Variants in SCGB2B2 observed in about 807,000 individuals in gnomAD.
The protein encoded by SCGB2B2 is secretoglobin-like protein.
SCGB2B2 carries 11 observed loss-of-function variants against 7.6 expected under a neutral mutation model. The observed-to-expected ratio is 1.45, with a 90% confidence interval of 0.91 to 2.40. SCGB2B2 has a LOEUF of 2.40. Among genes scored for constraint, SCGB2B2 ranks in the 30% most tolerant of loss-of-function variants. The probability of loss-of-function intolerance (pLI) is 0.00; values close to 1 mark genes in which losing one functional copy is unlikely to be tolerated. For missense variants in SCGB2B2, 104 were observed against 115.4 expected, an observed-to-expected ratio of 0.90 and a Z score of 0.45; for synonymous variants, 50 against 48.6, an observed-to-expected ratio of 1.03 and a Z score of -0.12.
In SCGB2B2 at chr19:34,593,279, C is replaced by T; in HGVS notation, c.*276G>A. On this transcript the variant is annotated 3_prime_UTR_variant, in exon 4 of 4. Coordinates refer to ENST00000601241, the MANE Select transcript of SCGB2B2 (RefSeq NM_001025591.4). ...AGGCTGCAGTGAGCCAAGATCGCGC[C>T]AATGCACTCCAGCCACCCTCCTCCC... 1 of 383,778 alleles carries T rather than the reference C, an allele frequency of 2.6e-6. No homozygotes were observed. The highest frequency in any genetic ancestry group is 4.7e-6 in the Non-Finnish European group (1 of 210,900). 23.8% of individuals were successfully genotyped at this position (383,778 alleles called of 1,614,324 possible).
intron 1 of SCGB2B2, among the ~76,000 whole-genome samples, chr19:34,610,452 A>G (rs1186522667): frequency 1.3e-5 from 2 of 152,130 alleles, no homozygotes; most frequent in Middle Eastern, 3.2e-3. Context: ...GGTTTGCCAT[A>G]TATTTATTTT....
intron 1 of SCGB2B2, among the ~76,000 whole-genome samples, chr19:34,649,839 C>T (rs941563303): frequency 9.3e-5 from 14 of 151,172 alleles, no homozygotes; most frequent in African/African-American, 3.5e-4. Flanking sequence ...TGCCCTCTTC[C>T]TGTGCACCCC....
intron 1 of SCGB2B2, among the ~76,000 whole-genome samples, chr19:34,630,137 T>C (rs2066489310): frequency 6.6e-6 from 1 of 151,814 alleles, no homozygotes; most frequent in Non-Finnish European, 1.5e-5. Context: ...GACTTAAACC[T>C]TAGACCTAAA....
intron 1 of SCGB2B2, among the ~76,000 whole-genome samples, chr19:34,618,026 A>G (rs2066137723): frequency 6.6e-6 from 1 of 152,140 alleles, no homozygotes; most frequent in African/African-American, 2.4e-5. Context: ...ACCTGTGCCC[A>G]CTGTCTGGCA....
intron 1 of SCGB2B2, among the ~76,000 whole-genome samples, chr19:34,632,415 AT>A (rs2066559347): frequency 6.6e-6 from 1 of 152,228 alleles, no homozygotes. Flanking sequence ...AAACTCAATA[AT>A]AAAGAAAAGA....
chr19:34,606,140 A>G (rs548522468), intron 1 of SCGB2B2, among the ~76,000 whole-genome samples: 1 of 152,000 alleles, frequency 6.6e-6, no homozygotes, highest in African/African-American at 2.4e-5. Flanking sequence ...AATTTTACAT[A>G]GTTACTAAAA....
intron 1 of SCGB2B2, among the ~76,000 whole-genome samples, chr19:34,643,140 C>T (rs2066892944): frequency 6.6e-6 from 1 of 152,152 alleles, no homozygotes; most frequent in African/African-American, 2.4e-5. Context: ...TCACAATAGC[C>T]AAGATACTCA....
chr19:34,603,215 A>G (rs1233885526), intron 1 of SCGB2B2, among the ~76,000 whole-genome samples: 1 of 152,196 alleles, frequency 6.6e-6, no homozygotes, highest in Non-Finnish European at 1.5e-5. Flanking sequence ...TTTCAGTGTT[A>G]TTGGTGGGGT....
chr19:34,587,847 C>G (rs1373550560), downstream of SCGB2B2, among the ~76,000 whole-genome samples: 1 of 152,184 alleles, frequency 6.6e-6, no homozygotes, highest in Non-Finnish European at 1.5e-5. Context: ...ATCTGTGTGT[C>G]AGGAACCATC....
rs1600031769 is a variant in SCGB2B2 at position 34,593,423 on chromosome 19, G to C, written c.*132C>G. The C allele has an allele frequency of 3.0e-6, 2 of 672,030 alleles. No homozygotes were observed. The highest frequency in any genetic ancestry group is 5.5e-5 in the East Asian group (2 of 36,458). 41.6% of individuals were successfully genotyped at this position (672,030 alleles called of 1,614,324 possible). ...ATGCGGTCACAGCCAACCCCACACA[G>C]ATGCCAGAACACAGAACTGAGCTGC... is the stretch of plus-strand genomic sequence containing the variant. On this transcript the variant is annotated 3_prime_UTR_variant, in exon 4 of 4. Coordinates refer to ENST00000601241, the MANE Select transcript of SCGB2B2 (RefSeq NM_001025591.4).
At position 34,634,845 on chromosome 19, in the gene SCGB2B2, T is replaced by G. The variant is rs1354440136; in HGVS notation, c.-2031-38251A>C. 3.0e-5 allele frequency: 8 copies of G among 268,602 alleles called. No individual in the cohort carries two copies. In the East Asian group the frequency reaches 7.9e-4, roughly 27 times the overall value. The allele number at this position is 268,602 out of a possible 1,614,324, so 16.6% of individuals were successfully genotyped here. A position where few individuals can be genotyped will look rare whatever the true frequency, so the allele number is the denominator to read the frequency against. ...GGCTTTCCCACATTCGCTGCACACATAGGGCCTTTCACCAGTGTGAACTCT... is the reference window on the plus strand; with the variant it reads ...GGCTTTCCCACATTCGCTGCACACAGAGGGCCTTTCACCAGTGTGAACTCT... On this transcript the variant is annotated intron_variant, in intron 1 of 3. Coordinates refer to ENST00000601241, the MANE Select transcript of SCGB2B2 (RefSeq NM_001025591.4).
intron 1 of SCGB2B2, among the ~76,000 whole-genome samples, chr19:34,606,196 G>A (rs115955314): frequency 2.0e-5 from 3 of 152,006 alleles, no homozygotes; most frequent in South Asian, 4.1e-4. Context: ...TTGACAAATA[G>A]GAATTGTGTA....
intron 1 of SCGB2B2, among the ~76,000 whole-genome samples, chr19:34,611,713 G>A (rs928250113): frequency 8.0e-5 from 12 of 150,776 alleles, no homozygotes; most frequent in Admixed American, 4.6e-4. Context: ...GCAGTGGCAC[G>A]ATCTTGGCTC....
chr19:34,605,261 T>A (rs1404514311), intron 1 of SCGB2B2, among the ~76,000 whole-genome samples: 1 of 152,228 alleles, frequency 6.6e-6, no homozygotes, highest in Non-Finnish European at 1.5e-5. Context: ...GCAAACTCAA[T>A]CTTTTTGATG....
chr19:34,630,824 T>C (rs1024259139), intron 1 of SCGB2B2, among the ~76,000 whole-genome samples: 11 of 152,166 alleles, frequency 7.2e-5, no homozygotes, highest in African/African-American at 1.4e-4. Context: ...CGTATGTTTA[T>C]TGCGGCACTA....
At chr19:34,628,690 A>G (rs1029322745) in intron 1 of SCGB2B2, among the ~76,000 whole-genome samples, 4 of 152,034 alleles carry the variant, frequency 2.6e-5, no homozygotes, top group Non-Finnish European at 5.9e-5. Flanking sequence ...CCAGAGGTAC[A>G]AAGAGGAGCT....
At chr19:34,631,879 A>C (rs2066545577) in intron 1 of SCGB2B2, 1 of 152,196 alleles carries the variant, frequency 6.6e-6, no homozygotes, top group South Asian at 2.1e-4. Flanking sequence ...CCTGATTTAA[A>C]GACATAGTGT....
At chr19:34,585,591 T>C in the SCGB2B2 span, among the ~76,000 whole-genome samples, 1 of 152,248 alleles carries the variant, frequency 6.6e-6, no homozygotes, top group Non-Finnish European at 1.5e-5. Flanking sequence ...GACAGAGTTA[T>C]CATCAAAATG....
chr19:34,629,874 C>T (rs1384899261), intron 1 of SCGB2B2, among the ~76,000 whole-genome samples: 3 of 151,912 alleles, frequency 2.0e-5, no homozygotes, highest in Non-Finnish European at 2.9e-5. Flanking sequence ...TACTACAAGG[C>T]TACATAACCA....
Sources: allele counts gnomAD v4.1 joint callset (sites outside exome capture counted in the v4.1 genomes callset), GRCh38; gene constraint gnomAD v4.1.1; transcripts MANE v1.5; gene names NCBI Gene and HGNC (gene_info 2026-07-23, HGNC 2026-07-21).